The following NRAP variants were observed in gnomAD, a reference collection of about 807,000 sequenced individuals.
The protein encoded by NRAP is nebulin-related-anchoring protein.
NRAP carries 189 observed loss-of-function variants against 225.9 expected under a neutral mutation model. That is an observed-to-expected ratio of 0.84 (90% CI 0.74 to 0.94). The LOEUF (loss-of-function observed/expected upper bound fraction) is 0.94. Among genes scored for constraint, NRAP ranks in the 40% least tolerant of loss-of-function variants. The pLI, the probability that NRAP is intolerant of heterozygous loss-of-function variation, is 0.00. For missense variants in NRAP, 2,176 were observed against 2,168.7 expected (o/e 1.00, Z -0.07); for synonymous variants, 769 against 790.7 (o/e 0.97, Z 0.46).
intron 11 of NRAP, among the ~76,000 whole-genome samples, chr10:113,643,394 T>C (rs1364613226): frequency 6.6e-6 from 1 of 152,208 alleles, no homozygotes; most frequent in Non-Finnish European, 1.5e-5. Context: ...GGAAATGTCT[T>C]AGGAGGATGT....
intron 41 of NRAP, 143 bp downstream of exon 41, chr10:113,589,523 T>G (rs112843068): frequency 2.9e-5 from 27 of 946,382 alleles, no homozygotes; most frequent in Non-Finnish European, 4.1e-5. Flanking sequence ...ACCCATGAAA[T>G]TAGGCGCCTT....
intron 5 of NRAP, among the ~76,000 whole-genome samples, chr10:113,653,281 TG>T (rs1054470136): frequency 6.4e-4 from 97 of 152,338 alleles, no homozygotes; most frequent in African/African-American, 2.3e-3. Context: ...TATGGGGACC[TG>T]GCACAACTCA....
chr10:113,620,789 C>G (rs1847942483), intron 24 of NRAP, 81 bp from the exon 25 acceptor site: 2 of 968,308 alleles, frequency 2.1e-6, no homozygotes, highest in African/African-American at 3.2e-5. Flanking sequence ...CGGCTCCCAA[C>G]ACAGCCTTGG....
intron 20 of NRAP, among the ~76,000 whole-genome samples, chr10:113,626,972 A>G (rs1848323438): frequency 6.6e-6 from 1 of 152,230 alleles, no homozygotes; most frequent in South Asian, 2.1e-4. Flanking sequence ...ATGGCCACTG[A>G]AAACGGCGTG....
rs1848190655 is a variant in NRAP, at chr10:113,624,741, A to G, written c.2349+85T>C. ...TGTAACCTCAGTTGATACAGACACT[A>G]TGCCATGGCTGGTGGGCTTGGTTTA... On this transcript the variant is annotated intron_variant, in intron 22 of 41. Coordinates refer to ENST00000359988, the MANE Select transcript of NRAP (RefSeq NM_198060.4). The G allele has an allele frequency of 8.9e-6, 8 of 894,282 alleles. No homozygotes were observed. The South Asian group carries it at 1.2e-4, about 13-fold the overall frequency. The allele number at this position is 894,282 out of a possible 1,614,324, so 55.4% of individuals were successfully genotyped here. A position where few individuals can be genotyped will look rare whatever the true frequency, so the allele number is the denominator to read the frequency against.
At chr10:113,608,654 T>G in intron 31 of NRAP, 142 bp from the exon 32 acceptor site, 1 of 626,990 alleles carries the variant, frequency 1.6e-6, no homozygotes, top group South Asian at 2.0e-5. Context: ...GATTGTCACC[T>G]GCCTTTGTGA....
At chr10:113,653,958 C>T in intron 5 of NRAP, 63 bp downstream of exon 5, 2 of 948,150 alleles carry the variant, frequency 2.1e-6, no homozygotes, top group Non-Finnish European at 3.5e-6. Context: ...AGTCAAGGAA[C>T]AGTCAAACTA....
At chr10:113,604,148 G>C (rs1846780438) in intron 35 of NRAP, among the ~76,000 whole-genome samples, 1 of 151,988 alleles carries the variant, frequency 6.6e-6, no homozygotes, top group Non-Finnish European at 1.5e-5. Flanking sequence ...ATGAAGTCTT[G>C]TGCTGTCACC....
intron 14 of NRAP, among the ~76,000 whole-genome samples, chr10:113,637,922 CAAA>C (rs11312314): frequency 6.8e-6 from 1 of 146,720 alleles, no homozygotes. Context: ...AACTCTGTCT[CAAA>C]AAAAAAAAAA....
intron 31 of NRAP, 138 bp from the exon 32 acceptor site, chr10:113,608,650 C>T (rs2133914895): frequency 4.7e-6 from 3 of 632,654 alleles, no homozygotes; most frequent in South Asian, 4.0e-5. Context: ...TCCAGATTGT[C>T]ACCTGCCTTT....
At chr10:113,628,287 A>C (rs1848393291) in intron 20 of NRAP, among the ~76,000 whole-genome samples, 1 of 152,198 alleles carries the variant, frequency 6.6e-6, no homozygotes, top group Non-Finnish European at 1.5e-5. Context: ...TCCCAGGTTC[A>C]AGCAATTCTC....
In NRAP at chr10:113,614,896, C is replaced by T. The variant is rs781357809; in HGVS notation, c.3129G>A (p.Leu1043=). 4.3e-6 allele frequency: 7 copies of T among 1,613,414 alleles called. No homozygotes were observed. Among genetic ancestry groups the T allele is most frequent in the Admixed American group, 1.7e-5 (1 of 59,996 alleles). ...WSKLRDGGYK[L]RLDALPFQAA... ...CTTGGAATGGAAGGGCATCCAACCT[C>T]AGTTTATAGCCACCATCTCGAAGTT... The change falls in exon 28 of 42, where the codon CTG becomes CTA. Residue 1043 remains leucine, a synonymous_variant. Transcript: ENST00000359988.
intron 34 of NRAP, 38 bp from the exon 35 acceptor site, chr10:113,604,958 C>A (rs146072776): frequency 1.3e-6 from 2 of 1,580,526 alleles, no homozygotes; most frequent in Non-Finnish European, 1.7e-6. Context: ...TCTATCTGTG[C>A]GTTTTCATTG....
At chr10:113,653,985 TA>T (rs1365213658) in intron 5 of NRAP, 35 bp downstream of exon 5, 2 of 1,307,212 alleles carry the variant, frequency 1.5e-6, no homozygotes, top group Non-Finnish European at 2.2e-6. Flanking sequence ...AAGTAATTGC[TA>T]AACCAATTCC....
At chr10:113,632,958 T>C in intron 16 of NRAP, 126 bp downstream of exon 16, 2 of 668,886 alleles carry the variant, frequency 3.0e-6, no homozygotes, top group Non-Finnish European at 5.5e-6. Context: ...AAGTTACAAC[T>C]TGATGGATGC....
intron 2 of NRAP, 67 bp downstream of exon 2, chr10:113,663,285 T>A: frequency 1.1e-6 from 1 of 928,798 alleles, no homozygotes; most frequent in South Asian, 1.3e-5. Flanking sequence ...ATTTGAACGT[T>A]TAGTTGGCTC....
rs76920383 is a variant in NRAP, at chr10:113,592,141, A to G, written c.4644+53T>C. 2.3e-3 allele frequency: 2,771 copies of G among 1,181,402 alleles called. 54 individuals carry two copies. In the African/African-American group the frequency reaches 0.036, roughly 15 times the overall value. 73.2% of individuals were successfully genotyped at this position (1,181,402 alleles called of 1,614,324 possible). ...TGGTTTGCCTTTCAACAGAACTGGG[A>G]AAACCAGAGAAAAACTCATCAGTGA... On this transcript the variant is annotated intron_variant, in intron 39 of 41. Coordinates refer to ENST00000359988, the MANE Select transcript of NRAP (RefSeq NM_198060.4).
chr10:113,653,888 G>T, intron 5 of NRAP, 133 bp downstream of exon 5: 1 of 705,714 alleles, frequency 1.4e-6, no homozygotes, highest in East Asian at 2.5e-5. Context: ...CTGGTTTCAG[G>T]GATTAGGACA....
In NRAP at chr10:113,605,838, C is replaced by G; in HGVS notation, c.3839G>C (p.Arg1280Pro). The G allele has an allele frequency of 1.9e-6, 3 of 1,614,004 alleles. No individual in the cohort carries two copies. Among genetic ancestry groups the G allele is most frequent in the Non-Finnish European group, 2.5e-6 (3 of 1,179,920 alleles). The change falls in exon 34 of 42, where the codon CGT becomes CCT. Residue 1280 changes from arginine to proline, a missense_variant. Physicochemically the swap from Arg to Pro is moderately radical, Grantham distance 103. This residue lies in a region of NRAP where 1,708 missense variants were observed against 1,695.5 expected (regional missense o/e 1.01). Coordinates refer to ENST00000359988, the MANE Select transcript of NRAP (RefSeq NM_198060.4). ...ARYKESWRNLRAQGYKLTIEA... is the reference protein window; with the variant it reads ...ARYKESWRNLPAQGYKLTIEA... The stretch of plus-strand genomic sequence containing the variant: ...TATTGTCAGCTTGTAGCCTTGAGCA[C>G]GAAGATTACGCCAGGACTCTTTGTA...
Sources: gnomAD v4.1 joint callset for allele counts (sites outside exome capture counted in the v4.1 genomes callset) on GRCh38, gnomAD v4.1.1 for gene constraint, gnomAD v4.1.1 regional missense constraint, MANE v1.5 for transcripts, NCBI Gene and HGNC (gene_info 2026-07-23, HGNC 2026-07-21) for gene names.